FBXL2: variants seen among roughly 807,000 people sequenced by gnomAD.
FBXL2 encodes the protein F-box and leucine rich repeat protein 2.
Under a neutral mutation model 69.2 loss-of-function variants are expected in FBXL2, and 38 were observed. The observed-to-expected ratio is 0.55, with a 90% CI of 0.42 to 0.72. The LOEUF is 0.72. Among genes scored for constraint, FBXL2 ranks in the 30% least tolerant of loss-of-function variants. The pLI is 0.00. For synonymous variants in FBXL2, 192 were observed against 201.3 expected, an observed-to-expected ratio of 0.95 and a Z score of 0.39; for missense variants, 354 against 520.3, an observed-to-expected ratio of 0.68 and a Z score of 3.11.
chr3:33,398,709 C>T (rs1364674468), intron 12 of FBXL2, among the ~76,000 whole-genome samples: 2 of 152,118 alleles, frequency 1.3e-5, no homozygotes, highest in Non-Finnish European at 2.9e-5. Flanking sequence ...CTGCTCACAG[C>T]GAAAGGGATT....
intron 2 of FBXL2, among the ~76,000 whole-genome samples, chr3:33,335,742 A>G (rs1221083390): frequency 6.6e-6 from 1 of 152,198 alleles, no homozygotes. Context: ...GATGGGACAA[A>G]TGGGAAACAA....
chr3:33,359,253 ATCCCTCT>A (rs1559601063), intron 3 of FBXL2, 23 bp from the exon 4 acceptor site: 1 of 1,583,100 alleles, frequency 6.3e-7, no homozygotes, highest in Non-Finnish European at 8.6e-7. Context: ...TTTCATCCCA[ATCCCTCT>A]TCCTTTACCT....
At chr3:33,416,327 T>C in the FBXL2 span, among the ~76,000 whole-genome samples, 1 of 152,212 alleles carries the variant, frequency 6.6e-6, no homozygotes, top group Non-Finnish European at 1.5e-5. Flanking sequence ...GGAAAACAGC[T>C]ATGCCTCCTA....
At chr3:33,342,352 AAT>A (rs534090754) in intron 2 of FBXL2, among the ~76,000 whole-genome samples, 4 of 151,050 alleles carry the variant, frequency 2.6e-5, no homozygotes, top group Non-Finnish European at 5.9e-5. Flanking sequence ...GAAGATTTAA[AAT>A]ATATATATAT....
chr3:33,409,197 T>C, the FBXL2 span: 3 of 1,595,818 alleles, frequency 1.9e-6, no homozygotes, highest in Non-Finnish European at 2.6e-6. Context: ...ATATGCAACC[T>C]TTGCTTCTCT....
In FBXL2 at chr3:33,340,895, CAAA is replaced by C. The variant is rs67092664; in HGVS notation, c.66-18050_66-18048del. ...GGTGACCAAGTGAGATTCCTTTGCCCAAAAAAAAAAAAAAAAAAAAAAAAGAAG... is the reference window on the plus strand; with the variant it reads ...GGTGACCAAGTGAGATTCCTTTGCCCAAAAAAAAAAAAAAAAAAAAAGAAG... On this transcript the variant is annotated intron_variant, in intron 2 of 14. Transcript: ENST00000484457. Among the ~76,000 whole-genome samples, 286 of 86,560 alleles carry C rather than the reference CAAA, an allele frequency of 3.3e-3. 1 individual carries two copies. The highest frequency in any genetic ancestry group is 8.8e-3 in the African/African-American group (192 of 21,844). 56.8% of individuals were successfully genotyped at this position (86,560 alleles called of 152,430 possible).
chr3:33,298,121 CA>C (rs1463819584), intron 2 of FBXL2, among the ~76,000 whole-genome samples: 1 of 151,950 alleles, frequency 6.6e-6, no homozygotes, highest in Non-Finnish European at 1.5e-5. Flanking sequence ...AAAATAAATG[CA>C]AAAAATAAGC....
intron 1 of FBXL2, among the ~76,000 whole-genome samples, chr3:33,296,126 C>T (rs545126672): frequency 2.6e-5 from 4 of 152,172 alleles, no homozygotes; most frequent in East Asian, 3.9e-4. Flanking sequence ...AGTGCAGTGG[C>T]GTGATCTTGG....
the FBXL2 span, among the ~76,000 whole-genome samples, chr3:33,418,421 A>AT: frequency 4.0e-5 from 6 of 151,746 alleles, no homozygotes; most frequent in African/African-American, 1.4e-4. Flanking sequence ...CGCCCAGCTA[A>AT]TTTTTGTATT....
intron 10 of FBXL2, 74 bp downstream of exon 10, chr3:33,375,492 G>GGACA: frequency 6.5e-7 from 1 of 1,548,504 alleles, no homozygotes. Flanking sequence ...CTTCAGGAGA[G>GGACA]GACAGGCTTG....
At chr3:33,384,225 G>C (rs1365779000) in intron 14 of FBXL2, 24 bp downstream of exon 14, 1 of 1,604,616 alleles carries the variant, frequency 6.2e-7, no homozygotes, top group African/African-American at 1.3e-5. Context: ...AGGGGAGTCA[G>C]TCACACCTGA....
intron 1 of FBXL2, among the ~76,000 whole-genome samples, chr3:33,281,812 T>G (rs1033018593): frequency 1.3e-5 from 2 of 152,180 alleles, no homozygotes; most frequent in Non-Finnish European, 2.9e-5. Flanking sequence ...TGAGCATTTT[T>G]TCATGTGTTT....
At chr3:33,394,191 T>TTTTTTATTATTATTATTATTA (rs1285477229) in intron 12 of FBXL2, among the ~76,000 whole-genome samples, 1 of 143,428 alleles carries the variant, frequency 7.0e-6, no homozygotes, top group Non-Finnish European at 1.5e-5. Flanking sequence ...CTGGCTAATT[T>TTTTTTATTATTATTATTATTA]TTATTATTAT....
At chr3:33,346,380 A>G (rs1191069100) in intron 2 of FBXL2, among the ~76,000 whole-genome samples, 1 of 151,944 alleles carries the variant, frequency 6.6e-6, no homozygotes, top group Non-Finnish European at 1.5e-5. Context: ...TTCAAGACCA[A>G]GCAAACATAG....
chr3:33,284,873 CT>C, intron 1 of FBXL2, among the ~76,000 whole-genome samples: 1 of 152,198 alleles, frequency 6.6e-6, no homozygotes, highest in Non-Finnish European at 1.5e-5. Context: ...GCAACCCCTG[CT>C]TTTTTTGTTT....
intron 2 of FBXL2, among the ~76,000 whole-genome samples, chr3:33,318,381 A>C (rs535322335): frequency 1.3e-5 from 2 of 152,274 alleles, no homozygotes; most frequent in South Asian, 4.1e-4. Flanking sequence ...TTCTGCTTGC[A>C]AACCAACTAG....
At position 33,386,880 on chromosome 3, in the gene FBXL2, C is replaced by T. The variant is rs1355334113; in HGVS notation, c.*1272C>T. 2.0e-5 allele frequency: 3 copies of T among 152,144 alleles called. No homozygotes were observed. The highest frequency in any genetic ancestry group is 2.9e-5 in the Non-Finnish European group (2 of 68,028). The allele number at this position is 152,144 out of a possible 1,614,324, so 9.4% of individuals were successfully genotyped here. On this transcript the variant is annotated 3_prime_UTR_variant, in exon 15 of 15. Transcript: ENST00000484457. ...GCTGGCCCTTCCAAACAACCACTCCCCCAAACTGAAGGGCCAGAGCTCATG... is the reference window on the plus strand; with the variant it reads ...GCTGGCCCTTCCAAACAACCACTCCTCCAAACTGAAGGGCCAGAGCTCATG...
downstream of FBXL2, among the ~76,000 whole-genome samples, chr3:33,406,449 T>C (rs2044430399): frequency 6.6e-6 from 1 of 152,206 alleles, no homozygotes; most frequent in African/African-American, 2.4e-5. Flanking sequence ...ATATAAAACA[T>C]AACACAGCAT....
Position 33,373,333 on chromosome 3 carries a change from A to G in FBXL2, c.433A>G (p.Asn145Asp). 6.2e-7 allele frequency: 1 copy of G among 1,613,018 alleles called. No homozygotes were observed. The highest frequency in any genetic ancestry group is 8.5e-7 in the Non-Finnish European group (1 of 1,178,962). ...LDLTSCVSIT[N>D]SSLKGISEGC... ...TCTGACCTCCTGTGTGTCTATTACA[A>G]ACAGCTCCTTGAAGGGGATCAGGTA... Residue 145 changes from asparagine to aspartate, a missense_variant, in exon 7 of 15, where the codon AAC (asparagine) becomes GAC (aspartate). Coordinates refer to ENST00000484457, the MANE Select transcript of FBXL2 (RefSeq NM_012157.5).
Sources: gnomAD v4.1 joint callset for allele counts (sites outside exome capture counted in the v4.1 genomes callset) on GRCh38, gnomAD v4.1.1 for gene constraint, MANE v1.5 for transcripts, NCBI Gene and HGNC (gene_info 2026-07-23, HGNC 2026-07-21) for gene names.